RTTN: variants seen among roughly 807,000 people sequenced by gnomAD.
RTTN encodes rotatin.
In RTTN, 182 loss-of-function variants were observed where a neutral mutation model predicts 269.2. The observed-to-expected ratio is 0.68, with a 90% CI of 0.60 to 0.76. RTTN has a LOEUF of 0.76. Among genes scored for constraint, RTTN ranks in the 30% least tolerant of loss-of-function variants. RTTN has a pLI of 0.00. For synonymous variants in RTTN, 1,006 were observed against 963.5 expected, an observed-to-expected ratio of 1.04 and a Z score of -0.82; for missense variants, 2,545 against 2,608.6, an observed-to-expected ratio of 0.98 and a Z score of 0.53.
chr18:70,078,876 A>G (rs1410787360), intron 32 of RTTN, among the ~76,000 whole-genome samples: 1 of 152,120 alleles, frequency 6.6e-6, no homozygotes, highest in African/African-American at 2.4e-5. Flanking sequence ...GTACAATCTC[A>G]GCCATGTCTT....
chr18:70,131,428 G>A (rs1020652337), intron 23 of RTTN: 4 of 151,164 alleles, frequency 2.6e-5, no homozygotes, highest in Non-Finnish European at 4.4e-5. Flanking sequence ...TGTGTTCTAA[G>A]GTCCTTGCAT....
At chr18:70,204,658 A>T (rs1449330872) in intron 2 of RTTN, among the ~76,000 whole-genome samples, 1 of 152,234 alleles carries the variant, frequency 6.6e-6, no homozygotes, top group African/African-American at 2.4e-5. Flanking sequence ...GGTTAAACTT[A>T]CACTTTGATA....
At chr18:70,073,262 G>A (rs1485018367) in intron 34 of RTTN, among the ~76,000 whole-genome samples, 1 of 152,056 alleles carries the variant, frequency 6.6e-6, no homozygotes, top group Non-Finnish European at 1.5e-5. Context: ...AATACTCAGT[G>A]TTTCAAACTT....
In RTTN at chr18:70,205,687, G is replaced by A. The variant is rs1388495967; in HGVS notation, c.-29C>T. ...GTCCCGTCAATCTGCAGCCGCCGGAGAATTAAACTGCCGCGCCACTGCGTC... is the reference window on the plus strand; with the variant it reads ...GTCCCGTCAATCTGCAGCCGCCGGAAAATTAAACTGCCGCGCCACTGCGTC... On this transcript the variant is annotated 5_prime_UTR_variant, in exon 1 of 49. Transcript: ENST00000640769. 1 of 1,613,762 alleles carries A rather than the reference G, an allele frequency of 6.2e-7. No homozygotes were observed. The highest frequency in any genetic ancestry group is 8.5e-7 in the Non-Finnish European group (1 of 1,179,828).
In RTTN at chr18:70,127,508, A is replaced by G; in HGVS notation, c.3377T>C (p.Leu1126Pro). The G allele has an allele frequency of 1.9e-6, 3 of 1,613,308 alleles. No individual in the cohort carries two copies. The highest frequency in any genetic ancestry group is 2.5e-6 in the Non-Finnish European group (3 of 1,179,566). ...GCCTTGACCTTACACTGACCTGTTT[A>G]GTGCGGTGTGCCAAGCCAAGGACTT... Reference protein sequence around the residue: ...TLKSLAWHTALNRFLQVLPAC... With the variant: ...TLKSLAWHTAPNRFLQVLPAC... The change falls in exon 25 of 49, where the codon CTA becomes CCA. Residue 1126 changes from leucine to proline, a missense_variant. Physicochemically the swap from Leu to Pro is moderately conservative, Grantham distance 98. Coordinates refer to ENST00000640769, the MANE Select transcript of RTTN (RefSeq NM_173630.4).
At position 70,086,912 on chromosome 18, in the gene RTTN, C is replaced by T. The variant is rs1461425; in HGVS notation, c.4303-228G>A. 0.83 allele frequency among the ~76,000 whole-genome samples: 126,262 copies of T among 151,950 alleles called. 55,565 individuals carry two copies. The highest frequency in any genetic ancestry group is 1 in the East Asian group (5,177 of 5,180). On this transcript the variant is annotated intron_variant, in intron 31 of 48. Coordinates refer to ENST00000640769, the MANE Select transcript of RTTN (RefSeq NM_173630.4). Reference sequence around the variant, plus strand: ...ACCTTGTTAGGTAATGACCTAACAGCATATGAAATTATTTCATCAGGAAAT... The same window carrying T: ...ACCTTGTTAGGTAATGACCTAACAGTATATGAAATTATTTCATCAGGAAAT...
intron 1 of RTTN, 139 bp downstream of exon 1, chr18:70,205,489 C>A: frequency 3.0e-6 from 4 of 1,348,526 alleles, no homozygotes; most frequent in Non-Finnish European, 4.2e-6. Context: ...AGATGGGTCC[C>A]CGGGGGCTAT....
chr18:70,032,542 C>A (rs1483451324), intron 40 of RTTN, among the ~76,000 whole-genome samples: 1 of 152,076 alleles, frequency 6.6e-6, no homozygotes, highest in African/African-American at 2.4e-5. Flanking sequence ...TAATTTCAGA[C>A]AAAATAGACT....
At chr18:70,034,912 A>G (rs1188672590) in intron 40 of RTTN, among the ~76,000 whole-genome samples, 1 of 152,218 alleles carries the variant, frequency 6.6e-6, no homozygotes, top group Non-Finnish European at 1.5e-5. Flanking sequence ...TCAAGCCGAG[A>G]GGCAAATCAG....
chr18:70,130,580 A>T (rs1171198173), intron 23 of RTTN: 2 of 152,032 alleles, frequency 1.3e-5, no homozygotes, highest in East Asian at 1.9e-4. Context: ...CTAAAAAAAA[A>T]AAAAAATGAT....
chr18:70,018,889 C>A (rs992476186), intron 45 of RTTN, among the ~76,000 whole-genome samples: 9 of 144,002 alleles, frequency 6.2e-5, no homozygotes, highest in African/African-American at 2.4e-4. Flanking sequence ...ATTTCCTACA[C>A]CAGGTAGAAT....
intron 11 of RTTN, among the ~76,000 whole-genome samples, chr18:70,172,643 A>G (rs1029999553): frequency 2.0e-5 from 3 of 152,186 alleles, no homozygotes; most frequent in African/African-American, 7.2e-5. Context: ...CAAAAATTAG[A>G]TAATTGATTT....
At chr18:70,069,085 T>C (rs1266492908) in intron 34 of RTTN, among the ~76,000 whole-genome samples, 1 of 152,154 alleles carries the variant, frequency 6.6e-6, no homozygotes, top group Non-Finnish European at 1.5e-5. Context: ...TCTGGGGATC[T>C]AATGTGTAGC....
intron 27 of RTTN, among the ~76,000 whole-genome samples, chr18:70,113,505 C>A (rs1474891512): frequency 2.0e-5 from 3 of 152,086 alleles, no homozygotes; most frequent in African/African-American, 7.2e-5. Flanking sequence ...ATAGAGTTAC[C>A]ATTACAGTTA....
intron 23 of RTTN, chr18:70,129,819 G>A (rs1373188478): frequency 1.3e-5 from 2 of 151,872 alleles, no homozygotes; most frequent in Non-Finnish European, 2.9e-5. Flanking sequence ...AAAGGAAACA[G>A]TCAACAAAGT....
chr18:70,110,996 G>C (rs1270914115), intron 27 of RTTN, among the ~76,000 whole-genome samples: 3 of 152,226 alleles, frequency 2.0e-5, no homozygotes, highest in African/African-American at 7.2e-5. Context: ...GGCTGCCATG[G>C]CCAGATTGCC....
intron 28 of RTTN, among the ~76,000 whole-genome samples, chr18:70,106,572 A>C (rs2145411986): frequency 6.6e-6 from 1 of 152,298 alleles, no homozygotes; most frequent in South Asian, 2.1e-4. Context: ...TGAAAGAAGC[A>C]GTCTTTTTAA....
At chr18:70,014,916 T>C (rs2056494662) in intron 46 of RTTN, among the ~76,000 whole-genome samples, 1 of 152,222 alleles carries the variant, frequency 6.6e-6, no homozygotes, top group South Asian at 2.1e-4. Context: ...ATATACTTCT[T>C]ACTTGTCTGG....
rs887454562 is a variant in RTTN at position 70,182,927 on chromosome 18, T to C, written c.1305+5181A>G. Reference sequence around the variant, plus strand: ...CTCTCCACACTTTGAATGATTATTCTAAAGTTGATCCAGAATTTTCACTCT... The same window carrying C: ...CTCTCCACACTTTGAATGATTATTCCAAAGTTGATCCAGAATTTTCACTCT... On this transcript the variant is annotated intron_variant, in intron 10 of 48. Transcript: ENST00000640769. 9.2e-5 allele frequency among the ~76,000 whole-genome samples: 14 copies of C among 152,338 alleles called. 1 individual carries two copies. In the South Asian group the frequency reaches 2.7e-3, roughly 29 times the overall value.
Sources: gnomAD v4.1 joint callset for allele counts (sites outside exome capture counted in the v4.1 genomes callset) on GRCh38, gnomAD v4.1.1 for gene constraint, MANE v1.5 for transcripts, NCBI Gene and HGNC (gene_info 2026-07-23, HGNC 2026-07-21) for gene names.